BABAM2: variants seen among roughly 807,000 people sequenced by gnomAD.
The protein encoded by BABAM2 is BRISC and BRCA1-A complex member 2.
A neutral mutation model predicts 54.7 loss-of-function variants in BABAM2; 31 were observed. The observed-to-expected ratio is 0.57, with a 90% CI of 0.43 to 0.77. BABAM2 has a LOEUF of 0.77. Among genes scored for constraint, BABAM2 ranks in the 30% least tolerant of loss-of-function variants. The probability of loss-of-function intolerance (pLI) is 0.00; values close to 1 mark genes in which losing one functional copy is unlikely to be tolerated. For synonymous variants in BABAM2, 167 were observed against 162.9 expected (o/e 1.03, Z -0.19); for missense variants, 364 against 455.8 (o/e 0.80, Z 1.83).
chr2:28,094,910 T>C (rs79461671), intron 6 of BABAM2, among the ~76,000 whole-genome samples: 13 of 151,164 alleles, frequency 8.6e-5, no homozygotes, highest in East Asian at 1.9e-4. Flanking sequence ...CCCTCTTCTT[T>C]TTTTTTTTTT....
At chr2:27,890,093 C>G, upstream of BABAM2, 2 of 605,354 alleles carry the variant, frequency 3.3e-6, no homozygotes, top group Non-Finnish European at 5.8e-6. The surrounding 1 kb of genome is among the most constrained non-coding windows in gnomAD (Gnocchi z 4.8). Context: ...CAAGTTCTTT[C>G]ATGCCAGGAA....
intron 2 of BABAM2, among the ~76,000 whole-genome samples, chr2:27,901,635 A>T (rs1405290977): frequency 6.6e-6 from 1 of 152,178 alleles, no homozygotes; most frequent in Non-Finnish European, 1.5e-5. Flanking sequence ...TCTAACTGGC[A>T]ATCTGAATCT....
chr2:28,221,110 T>C (rs1467028913), intron 7 of BABAM2, among the ~76,000 whole-genome samples: 1 of 143,944 alleles, frequency 6.9e-6, no homozygotes, highest in African/African-American at 2.7e-5. Flanking sequence ...TTCCCTTTTT[T>C]CCTCTCTCTC....
At chr2:28,207,331 T>G (rs1282944364) in intron 7 of BABAM2, among the ~76,000 whole-genome samples, 1 of 112,722 alleles carries the variant, frequency 8.9e-6, no homozygotes, top group Non-Finnish European at 1.8e-5. Context: ...TAGCAAGACC[T>G]CGTCTCTAGT....
chr2:27,972,773 C>CTTTTTTTTTTTT (rs11383917), intron 3 of BABAM2, among the ~76,000 whole-genome samples: 1 of 138,438 alleles, frequency 7.2e-6, no homozygotes, highest in Non-Finnish European at 1.5e-5. Flanking sequence ...TAATTATTAG[C>CTTTTTTTTTTTT]TTTTTTTTTT....
At chr2:28,103,142 T>TAAAAAA (rs879352992) in intron 6 of BABAM2, among the ~76,000 whole-genome samples, 2 of 139,842 alleles carry the variant, frequency 1.4e-5, no homozygotes, top group Non-Finnish European at 3.1e-5. Flanking sequence ...ACTTATTGAG[T>TAAAAAA]AAAAAAAAAA....
chr2:28,249,595 C>G (rs1201802977), intron 10 of BABAM2, among the ~76,000 whole-genome samples: 1 of 152,118 alleles, frequency 6.6e-6, no homozygotes, highest in Admixed American at 6.5e-5. Context: ...TATTTTATGA[C>G]TTGTCTACTT....
chr2:28,190,322 A>T (rs1676761764), intron 7 of BABAM2, among the ~76,000 whole-genome samples: 1 of 152,162 alleles, frequency 6.6e-6, no homozygotes, highest in South Asian at 2.1e-4. Context: ...GTGTCTGATG[A>T]GGACTCACTT....
chr2:28,315,455 T>TCTTTG (rs1689464491), intron 11 of BABAM2, among the ~76,000 whole-genome samples: 1 of 143,618 alleles, frequency 7.0e-6, no homozygotes, highest in African/African-American at 2.6e-5. Context: ...TCTTTTCTTT[T>TCTTTG]CTTTTCTTTT....
At chr2:28,181,232 T>A (rs1250506007) in intron 7 of BABAM2, among the ~76,000 whole-genome samples, 1 of 152,168 alleles carries the variant, frequency 6.6e-6, no homozygotes, top group Non-Finnish European at 1.5e-5. Context: ...TCAACCTAAG[T>A]GTCTATCAAA....
At chr2:28,335,876 G>T (rs1691416762) in intron 11 of BABAM2, among the ~76,000 whole-genome samples, 1 of 152,210 alleles carries the variant, frequency 6.6e-6, no homozygotes, top group Admixed American at 6.5e-5. Flanking sequence ...GCTCAGGGGG[G>T]TCTGTGACAT....
chr2:27,969,050 G>T (rs1244048083), intron 3 of BABAM2, among the ~76,000 whole-genome samples: 1 of 152,132 alleles, frequency 6.6e-6, no homozygotes, highest in Non-Finnish European at 1.5e-5. Flanking sequence ...ATTGAATTGT[G>T]GGGGTAGATC....
chr2:27,891,266 C>T (rs560560288), intron 1 of BABAM2, among the ~76,000 whole-genome samples: 1 of 152,226 alleles, frequency 6.6e-6, no homozygotes, highest in South Asian at 2.1e-4. Context: ...TGTATGACGT[C>T]GACGTGACGC....
intron 7 of BABAM2, among the ~76,000 whole-genome samples, chr2:28,146,603 TG>T (rs1324009487): frequency 6.6e-6 from 1 of 152,106 alleles, no homozygotes; most frequent in East Asian, 1.9e-4. Context: ...GAATAAAATA[TG>T]AAAGGATGTA....
intron 6 of BABAM2, among the ~76,000 whole-genome samples, chr2:28,089,698 C>T (rs1308462010): frequency 1.3e-5 from 2 of 152,166 alleles, no homozygotes; most frequent in Admixed American, 1.3e-4. Flanking sequence ...TAAAGGTCCT[C>T]TGATTTCAAA....
chr2:28,215,780 C>G (rs1679869122), intron 7 of BABAM2, among the ~76,000 whole-genome samples: 1 of 152,166 alleles, frequency 6.6e-6, no homozygotes, highest in African/African-American at 2.4e-5. Flanking sequence ...TCTTTCTGCT[C>G]TCATGGGAGT....
Position 28,219,359 on chromosome 2 carries a change from CTCT to C in BABAM2, c.681-17836_681-17834del, listed in dbSNP as rs550145975. 5.4e-3 allele frequency among the ~76,000 whole-genome samples: 823 copies of C among 152,316 alleles called. 4 individuals carry two copies. The highest frequency in any genetic ancestry group is 0.019 in the African/African-American group (792 of 41,570). ...CTCTCATGCTTCAAGTTTTTCCTGC[CTCT>C]TCTTCTGTCATCATATTTCTCTGAC... On this transcript the variant is annotated intron_variant, in intron 7 of 11. Coordinates refer to ENST00000379624, the MANE Select transcript of BABAM2 (RefSeq NM_199191.3).
At chr2:28,093,559 G>A (rs879195556) in intron 6 of BABAM2, among the ~76,000 whole-genome samples, 2 of 152,036 alleles carry the variant, frequency 1.3e-5, no homozygotes, top group African/African-American at 2.4e-5. Context: ...ACTGAGAGCC[G>A]GCTACGACGT....
At chr2:27,939,377 T>C (rs1668716883) in intron 3 of BABAM2, among the ~76,000 whole-genome samples, 1 of 152,228 alleles carries the variant, frequency 6.6e-6, no homozygotes, top group Admixed American at 6.5e-5. Flanking sequence ...GTTTATTAAA[T>C]TAAATCTTTA....
Sources: gnomAD v4.1 joint callset for allele counts (sites outside exome capture counted in the v4.1 genomes callset) on GRCh38, gnomAD v4.1.1 for gene constraint, Gnocchi (gnomAD v3.1) non-coding constraint, MANE v1.5 for transcripts, NCBI Gene and HGNC (gene_info 2026-07-23, HGNC 2026-07-21) for gene names.